PTBP3: variants seen among roughly 807,000 people sequenced by gnomAD.
The protein encoded by PTBP3 is polypyrimidine tract-binding protein 3.
PTBP3 carries 20 observed loss-of-function variants against 58.7 expected under a neutral mutation model. The ratio of observed to expected loss-of-function variants is 0.34; its 90% CI spans 0.24 to 0.50. The LOEUF is 0.50. Ranked by LOEUF, PTBP3 falls within the 20% of genes least tolerant of loss-of-function variation. PTBP3 has a pLI of 0.98. For synonymous variants in PTBP3, 185 were observed against 219.8 expected (o/e 0.84, Z 1.40); for missense variants, 509 against 637.2 (o/e 0.80, Z 2.17).
intron 4 of PTBP3, among the ~76,000 whole-genome samples, chr9:112,266,696 A>G (rs916118318): frequency 4.6e-5 from 7 of 152,206 alleles, no homozygotes; most frequent in African/African-American, 1.4e-4. Context: ...ACCCATGTCC[A>G]TAACATTACA....
intron 2 of PTBP3, among the ~76,000 whole-genome samples, chr9:112,297,079 G>A (rs1415492102): frequency 2.0e-5 from 3 of 151,804 alleles, no homozygotes; most frequent in Admixed American, 6.6e-5. Context: ...TTCACTTTAC[G>A]GCCACTAAAT....
intron 4 of PTBP3, among the ~76,000 whole-genome samples, chr9:112,263,022 C>G (rs373592559): frequency 9.7e-4 from 148 of 152,234 alleles, no homozygotes; most frequent in African/African-American, 3.3e-3. Flanking sequence ...AAAAGAATAG[C>G]TGATTCCAGA....
chr9:112,334,792 C>T (rs1343879278), upstream of PTBP3, among the ~76,000 whole-genome samples: 1 of 152,224 alleles, frequency 6.6e-6, no homozygotes, highest in East Asian at 1.9e-4. Flanking sequence ...TGCATGAATA[C>T]ACAAGAAAAT....
chr9:112,362,822 A>G, the PTBP3 span: 1 of 315,338 alleles, frequency 3.2e-6, no homozygotes, highest in Admixed American at 3.6e-5. Flanking sequence ...TAACCGGTGG[A>G]AACCCAGAGA....
At chr9:112,309,584 G>C (rs1004721873) in intron 1 of PTBP3, among the ~76,000 whole-genome samples, 2 of 152,068 alleles carry the variant, frequency 1.3e-5, no homozygotes, top group African/African-American at 4.8e-5. Flanking sequence ...TCAGGAGTTT[G>C]AGACCAGTCT....
At chr9:112,300,539 T>C (rs989421168) in intron 1 of PTBP3, among the ~76,000 whole-genome samples, 2 of 150,094 alleles carry the variant, frequency 1.3e-5, no homozygotes, top group Non-Finnish European at 3.0e-5. Context: ...GATCACAAGG[T>C]CAGGAGATCA....
In PTBP3 at chr9:112,265,112, A is replaced by G. The variant is rs563610020; in HGVS notation, c.352-2513T>C. ...GTTTTTTGGGGGACAGGAGTTACCA[A>G]AATAATTCCAAAATTTATCTGAAGA... On this transcript the variant is annotated intron_variant, in intron 4 of 13. Transcript: ENST00000374257. Among the ~76,000 whole-genome samples the G allele has an allele frequency of 5.3e-5, 8 of 152,338 alleles. No individual in the cohort carries two copies. The South Asian group carries it at 1.4e-3, about 28-fold the overall frequency.
chr9:112,295,078 A>G (rs1043886150), intron 2 of PTBP3, among the ~76,000 whole-genome samples: 1 of 152,034 alleles, frequency 6.6e-6, no homozygotes, highest in African/African-American at 2.4e-5. Context: ...TGTCTCTACT[A>G]AAAATACAAA....
chr9:112,254,577 G>T (rs1015763894), intron 5 of PTBP3, among the ~76,000 whole-genome samples: 1 of 152,090 alleles, frequency 6.6e-6, no homozygotes, highest in Non-Finnish European at 1.5e-5. Flanking sequence ...GACTTCAATC[G>T]ACATTTCTCC....
At position 112,268,087 on chromosome 9, in the gene PTBP3, G is replaced by A. The variant is rs1589843768; in HGVS notation, c.313C>T (p.His105Tyr). 3 of 1,613,412 alleles carry A rather than the reference G, an allele frequency of 1.9e-6. No homozygotes were observed. The highest frequency in any genetic ancestry group is 1.7e-5 in the Admixed American group (1 of 59,878). ...AGATTGTCAGTCTTAAGTTCTCTGTGATTGGAATACTGAATATAAACAGGC... is the reference window on the plus strand; with the variant it reads ...AGATTGTCAGTCTTAAGTTCTCTGTAATTGGAATACTGAATATAAACAGGC... The part of the protein sequence containing the change: ...SQPVYIQYSN[H>Y]RELKTDNLPN... Residue 105 changes from histidine to tyrosine, a missense_variant, in exon 4 of 14, where the codon CAC (histidine) becomes TAC (tyrosine). Transcript: ENST00000374257.
chr9:112,333,434 C>T (rs1438000358), intron 1 of PTBP3, 36 bp downstream of exon 1: 2 of 1,568,514 alleles, frequency 1.3e-6, no homozygotes, highest in East Asian at 2.5e-5. Flanking sequence ...GGCGCCAAGG[C>T]AACCCGGTGC....
At chr9:112,263,078 T>A (rs1836664840) in intron 4 of PTBP3, among the ~76,000 whole-genome samples, 1 of 152,112 alleles carries the variant, frequency 6.6e-6, no homozygotes, top group African/African-American at 2.4e-5. Context: ...ATTTTTGTTT[T>A]GGGGCAGGGG....
intron 1 of PTBP3, among the ~76,000 whole-genome samples, 168 bp downstream of exon 1, chr9:112,333,302 G>T (rs1830458640): frequency 6.6e-6 from 1 of 151,712 alleles, no homozygotes. Flanking sequence ...CGCGATTCCG[G>T]GATCCCCACC....
chr9:112,221,516 C>T lies in PTBP3; in HGVS notation c.*2335G>A. 2 of 985,520 alleles carry T rather than the reference C, an allele frequency of 2.0e-6. No individual in the cohort carries two copies. The highest frequency in any genetic ancestry group is 2.4e-6 in the Non-Finnish European group (2 of 829,844). The allele number at this position is 985,520 out of a possible 1,614,324, so 61.0% of individuals were successfully genotyped here. On this transcript the variant is annotated 3_prime_UTR_variant, in exon 14 of 14. Transcript: ENST00000374257. ...TGAAATAATCCAATTTAACATGGCA[C>T]TGAAAATTATAATAGTGCCTGTGTG... is the stretch of plus-strand genomic sequence containing the variant.
chr9:112,239,438 G>GA (rs879270949), intron 7 of PTBP3, among the ~76,000 whole-genome samples: 3 of 151,952 alleles, frequency 2.0e-5, no homozygotes, highest in Admixed American at 6.6e-5. Context: ...AATTACTATG[G>GA]AAAAAAACAG....
intron 2 of PTBP3, among the ~76,000 whole-genome samples, chr9:112,277,882 GTAACATAACATAACA>G (rs57476799): frequency 0.1 from 13,582 of 129,978 alleles, 940 homozygotes; most frequent in African/African-American, 0.16. Flanking sequence ...TCAAAATAAC[GTAACATAACATAACA>G]TAACATAACA....
chr9:112,284,316 G>A (rs1828009199), intron 2 of PTBP3, among the ~76,000 whole-genome samples: 1 of 152,212 alleles, frequency 6.6e-6, no homozygotes, highest in Non-Finnish European at 1.5e-5. Flanking sequence ...GGGCGGAGAT[G>A]CCCAAAGCCT....
chr9:112,311,026 G>C (rs767734066), intron 1 of PTBP3, among the ~76,000 whole-genome samples: 39 of 152,186 alleles, frequency 2.6e-4, no homozygotes, highest in Non-Finnish European at 5.3e-4. Context: ...ATGAGGGAAA[G>C]AGAGTTTTGA....
At chr9:112,378,390 G>A in the PTBP3 span, among the ~76,000 whole-genome samples, 1 of 152,172 alleles carries the variant, frequency 6.6e-6, no homozygotes, top group East Asian at 1.9e-4. Context: ...TTTTTTGTTT[G>A]CTTTGCCTCT....
Sources: allele counts gnomAD v4.1 joint callset (sites outside exome capture counted in the v4.1 genomes callset), GRCh38; gene constraint gnomAD v4.1.1; transcripts MANE v1.5; gene names NCBI Gene and HGNC (gene_info 2026-07-23, HGNC 2026-07-21).